MCF2L: variants seen among roughly 807,000 people sequenced by gnomAD.
MCF2L encodes the protein guanine nucleotide exchange factor DBS.
A neutral mutation model predicts 153.4 loss-of-function variants in MCF2L; 97 were observed. The observed-to-expected ratio is 0.63, with a 90% confidence interval of 0.54 to 0.75. The LOEUF (loss-of-function observed/expected upper bound fraction) is 0.75. MCF2L is among the 30% of genes least tolerant of loss of function. The pLI is 0.00. For missense variants in MCF2L, 1,347 were observed against 1,495.2 expected, an observed-to-expected ratio of 0.90 and a Z score of 1.64; for synonymous variants, 659 against 632.2, an observed-to-expected ratio of 1.04 and a Z score of -0.64.
intron 2 of MCF2L, among the ~76,000 whole-genome samples, chr13:113,015,391 C>T (rs1001635689): frequency 7.2e-5 from 11 of 152,214 alleles, no homozygotes; most frequent in African/African-American, 2.7e-4. Flanking sequence ...CAACAGGACC[C>T]GTCAGAAAAA....
intron 1 of MCF2L, among the ~76,000 whole-genome samples, chr13:112,897,507 C>T (rs1295502420): frequency 6.6e-6 from 1 of 152,176 alleles, no homozygotes; most frequent in Non-Finnish European, 1.5e-5. Flanking sequence ...GGAACCAGAG[C>T]TGGGAAGCTG....
At chr13:112,937,075 A>G (rs2081522351) in intron 2 of MCF2L, among the ~76,000 whole-genome samples, 1 of 152,146 alleles carries the variant, frequency 6.6e-6, no homozygotes, top group Non-Finnish European at 1.5e-5. Context: ...TATTTTTGAG[A>G]TAGAGTCTCG....
chr13:113,039,826 G>A (rs550851883), intron 3 of MCF2L, among the ~76,000 whole-genome samples: 1 of 152,294 alleles, frequency 6.6e-6, no homozygotes, highest in East Asian at 1.9e-4. Context: ...GCAACCAGAA[G>A]TCACGTGCAT....
At chr13:113,048,872 C>T (rs1264731115) in intron 4 of MCF2L, among the ~76,000 whole-genome samples, 1 of 152,154 alleles carries the variant, frequency 6.6e-6, no homozygotes, top group Non-Finnish European at 1.5e-5. Flanking sequence ...TGGGTGAGGA[C>T]AGTTGAGGGG....
chr13:112,917,175 C>T (rs1033449622), intron 2 of MCF2L: 2 of 471,304 alleles, frequency 4.2e-6, no homozygotes, highest in South Asian at 1.5e-5. Context: ...TCCTAGTCCA[C>T]AGCTCCAGTC....
chr13:113,091,232 G>A (rs1171799469), intron 26 of MCF2L: 29 of 1,303,026 alleles, frequency 2.2e-5, no homozygotes, highest in African/African-American at 1.4e-4. Context: ...CCCACTCTGC[G>A]TTGGCAGGAA....
chr13:113,035,275 T>C lies in MCF2L; in HGVS notation c.279-9996T>C, dbSNP rs932122716. Among the ~76,000 whole-genome samples the C allele has an allele frequency of 6.6e-6, 1 of 152,260 alleles. No individual in the cohort carries two copies. The highest frequency in any genetic ancestry group is 2.4e-5 in the African/African-American group (1 of 41,474). On this transcript the variant is annotated intron_variant, in intron 3 of 29. Coordinates refer to ENST00000535094, the MANE Select transcript of MCF2L (RefSeq NM_001112732.3). This position sits in a 1 kb window ranked among gnomAD's most constrained non-coding sequence, Gnocchi z 4.4. The stretch of plus-strand genomic sequence containing the variant: ...CTGTAACTACCATGTAGTGCACTTA[T>C]GAATCGTGCATATTTTACTCTAAGG...
chr13:112,968,186 G>T (rs1399156168), upstream of MCF2L, among the ~76,000 whole-genome samples: 4 of 149,374 alleles, frequency 2.7e-5, no homozygotes, highest in Admixed American at 6.7e-5. Context: ...AAACTTCTGG[G>T]CTCAAATGAT....
At chr13:112,923,257 CTTT>C (rs57030206) in intron 2 of MCF2L, among the ~76,000 whole-genome samples, 1,222 of 78,470 alleles carry the variant, frequency 0.016, 21 homozygotes, top group African/African-American at 0.053. Context: ...GTGTTTGCTT[CTTT>C]TTTTTTTTTT....
upstream of MCF2L, among the ~76,000 whole-genome samples, chr13:112,967,022 A>C (rs1344377694): frequency 6.6e-6 from 1 of 152,204 alleles, no homozygotes. Flanking sequence ...GGCCGGGAGA[A>C]GAGGGCAGGT....
rs565786662 is a variant in MCF2L at position 113,086,059 on chromosome 13, G to T, written c.2248-65G>T. The T allele has an allele frequency of 1.4e-5, 21 of 1,536,560 alleles. No homozygotes were observed. The African/African-American group carries it at 2.2e-4, about 16-fold the overall frequency. The stretch of plus-strand genomic sequence containing the variant: ...CTACCTCGTGCCAAGCTCCTGAGGG[G>T]TCTGTTCCAGGGGAGCCAGGGCTCT... On this transcript the variant is annotated intron_variant, in intron 20 of 29. Coordinates refer to ENST00000535094, the MANE Select transcript of MCF2L (RefSeq NM_001112732.3).
Position 113,095,628 on chromosome 13 carries a change from T to A in MCF2L, c.3076-743T>A, listed in dbSNP as rs114854050. ...CTCCAGGCCATCATGTGAGAGCAGG[T>A]GGCCCAGTCACCGTCCTCCTGCTCC... is the stretch of plus-strand genomic sequence containing the variant. On this transcript the variant is annotated intron_variant, in intron 27 of 29. Coordinates refer to ENST00000535094, the MANE Select transcript of MCF2L (RefSeq NM_001112732.3). The A allele has an allele frequency of 6.8e-3, 6,721 of 991,830 alleles. 331 individuals carry two copies. In the African/African-American group the frequency reaches 0.11, roughly 16 times the overall value. 61.4% of individuals were successfully genotyped at this position (991,830 alleles called of 1,614,324 possible).
At chr13:113,049,365 G>A (rs185351054) in intron 4 of MCF2L, among the ~76,000 whole-genome samples, 3 of 152,040 alleles carry the variant, frequency 2.0e-5, no homozygotes, top group Non-Finnish European at 4.4e-5. Context: ...TGGGGCTGGC[G>A]GGGAGGCCCC....
chr13:112,941,149 CA>C lies in MCF2L; in HGVS notation c.169+38783del, dbSNP rs1594359700. On this transcript the variant is annotated intron_variant, in intron 2 of 29. Transcript: ENST00000375608. This position sits in a 1 kb window ranked among gnomAD's most constrained non-coding sequence, Gnocchi z 4.9. ...GCTTATCACATAAAAATGTAACCTA[CA>C]AAAATTCAGGTCATCAGCCCGTAAT... Among the ~76,000 whole-genome samples, 4 of 152,058 alleles carry C rather than the reference CA, an allele frequency of 2.6e-5. No homozygotes were observed. The East Asian group carries it at 7.7e-4, about 29-fold the overall frequency.
chr13:112,968,098 TTCTCTCTCTCTC>T (rs533754876), upstream of MCF2L: 3 of 200,176 alleles, frequency 1.5e-5, no homozygotes, highest in Non-Finnish European at 3.0e-5. Context: ...CCTGCTGGAA[TTCTCTCTCTCTC>T]TCTCTCTCTT....
chr13:112,968,049 C>G (rs2081923122), upstream of MCF2L: 1 of 213,946 alleles, frequency 4.7e-6, no homozygotes, highest in South Asian at 5.6e-5. Flanking sequence ...CCATATGATG[C>G]TTGAATTCCC....
At chr13:112,988,055 G>A (rs559647587) in intron 1 of MCF2L, among the ~76,000 whole-genome samples, 4 of 152,216 alleles carry the variant, frequency 2.6e-5, no homozygotes, top group Non-Finnish European at 5.9e-5. Context: ...GTCAGGCTGC[G>A]GGGCGAGGAG....
chr13:113,077,337 C>A (rs994574513), intron 13 of MCF2L, 126 bp downstream of exon 13: 5 of 1,114,908 alleles, frequency 4.5e-6, no homozygotes, highest in Non-Finnish European at 6.1e-6. Flanking sequence ...TCCCCTTCCA[C>A]CTCCGGGCCC....
chr13:113,017,425 C>A (rs555043841), intron 2 of MCF2L, among the ~76,000 whole-genome samples: 21 of 152,344 alleles, frequency 1.4e-4, no homozygotes, highest in African/African-American at 5.1e-4. Context: ...CTCTGCCTTT[C>A]TCCCGGGACA....
Sources: gnomAD v4.1 joint callset for allele counts (sites outside exome capture counted in the v4.1 genomes callset) on GRCh38, gnomAD v4.1.1 for gene constraint, Gnocchi (gnomAD v3.1) non-coding constraint, MANE v1.5 for transcripts, NCBI Gene and HGNC (gene_info 2026-07-23, HGNC 2026-07-21) for gene names.